ANKFN1: variants seen among roughly 807,000 people sequenced by gnomAD.
ANKFN1 encodes ankyrin repeat and fibronectin type-III domain-containing protein 1.
In ANKFN1, 74 loss-of-function variants were observed where a neutral mutation model predicts 108.7. The observed-to-expected ratio is 0.68, with a 90% CI of 0.56 to 0.83. The LOEUF is 0.83. ANKFN1 is among the 40% of genes least tolerant of loss of function. The pLI is 0.00. For synonymous variants in ANKFN1, 547 were observed against 516.2 expected (o/e 1.06, Z -0.81); for missense variants, 1,505 against 1,382.3 (o/e 1.09, Z -1.41).
chr17:56,171,464 A>T (rs1910692121), intron 1 of ANKFN1, among the ~76,000 whole-genome samples: 3 of 152,180 alleles, frequency 2.0e-5, no homozygotes, highest in Admixed American at 2.0e-4. Context: ...TTAAAACAGC[A>T]GTGTGATGAG....
chr17:56,117,269 T>C (rs1906339226), intron 4 of ANKFN1, among the ~76,000 whole-genome samples: 1 of 152,192 alleles, frequency 6.6e-6, no homozygotes, highest in East Asian at 1.9e-4. Context: ...TGAATACATG[T>C]AGTGACAAGG....
intron 3 of ANKFN1, among the ~76,000 whole-genome samples, chr17:56,298,405 A>G (rs2144352154): frequency 6.6e-6 from 1 of 152,344 alleles, no homozygotes; most frequent in East Asian, 1.9e-4. Context: ...TTTCTGCTAC[A>G]CATGTGTCAT....
intron 4 of ANKFN1, among the ~76,000 whole-genome samples, chr17:56,118,153 T>C (rs1906387811): frequency 2.0e-5 from 3 of 152,168 alleles, no homozygotes. Context: ...TTGTATTTTT[T>C]CTACTTCTCA....
intron 1 of ANKFN1, among the ~76,000 whole-genome samples, chr17:56,176,092 C>A (rs1181935689): frequency 6.6e-6 from 1 of 151,848 alleles, no homozygotes; most frequent in African/African-American, 2.4e-5. Context: ...TTCTTATCAC[C>A]CTGCTGTGAG....
chr17:56,510,726 T>C lies in ANKFN1; in HGVS notation c.2898T>C (p.Cys966=). 1 of 1,536,142 alleles carries C rather than the reference T, an allele frequency of 6.5e-7. No individual in the cohort carries two copies. Among genetic ancestry groups the C allele is most frequent in the Non-Finnish European group, 8.7e-7 (1 of 1,146,914 alleles). Residue 966 remains cysteine (C), a synonymous_variant, in exon 21 of 21, where the codon TGT becomes TGC. Coordinates refer to ENST00000682825, the MANE Select transcript of ANKFN1 (RefSeq NM_001370326.1). ...QGEGPNPDHS[C]AEFLHSLTLT... ...AGGGCCCAAATCCCGATCACTCATG[T>C]GCCGAGTTTCTCCATAGCCTGACCC...
intron 11 of ANKFN1, among the ~76,000 whole-genome samples, chr17:56,453,422 T>A (rs2049563875): frequency 6.6e-6 from 1 of 152,186 alleles, no homozygotes; most frequent in African/African-American, 2.4e-5. Flanking sequence ...TAATAATTAA[T>A]CCCCAAACTA....
In ANKFN1 at chr17:56,498,903, G is replaced by A; in HGVS notation, c.2449G>A (p.Glu817Lys). The change falls in exon 20 of 21, where the codon GAA becomes AAA. Residue 817 changes from glutamate to lysine, a missense_variant. Glu to Lys is a moderately conservative substitution (Grantham distance 56). Coordinates refer to ENST00000682825, the MANE Select transcript of ANKFN1 (RefSeq NM_001370326.1). ...FIQQIDEVWR[E>K]MRWIMDALQY... ...AAAGCAAATAGATGAAGTCTGGCGTGAAATGAGATGGATCATGGATGCTCT... is the reference window on the plus strand; with the variant it reads ...AAAGCAAATAGATGAAGTCTGGCGTAAAATGAGATGGATCATGGATGCTCT... 1 of 1,535,576 alleles carries A rather than the reference G, an allele frequency of 6.5e-7. No homozygotes were observed. Among genetic ancestry groups the A allele is most frequent in the African/African-American group, 1.4e-5 (1 of 73,116 alleles).
intron 4 of ANKFN1, among the ~76,000 whole-genome samples, chr17:56,115,228 T>C (rs1270623019): frequency 6.6e-6 from 1 of 152,198 alleles, no homozygotes; most frequent in Admixed American, 6.5e-5. Context: ...TGATTTGTAT[T>C]TGAGGGGCCA....
intron 8 of ANKFN1, among the ~76,000 whole-genome samples, chr17:56,436,509 T>C (rs1247872618): frequency 1.3e-5 from 2 of 152,176 alleles, no homozygotes. Context: ...AAAGAGAACA[T>C]TCTGAGTTAA....
chr17:56,054,446 C>T (rs145513501), intron 4 of ANKFN1, among the ~76,000 whole-genome samples: 8 of 152,200 alleles, frequency 5.3e-5, no homozygotes, highest in Admixed American at 1.3e-4. Context: ...AGAGACATTG[C>T]GGGTTTGGTT....
At chr17:56,501,329 T>C (rs371117325) in intron 20 of ANKFN1, among the ~76,000 whole-genome samples, 1 of 152,210 alleles carries the variant, frequency 6.6e-6, no homozygotes, top group African/African-American at 2.4e-5. Flanking sequence ...AGGATTGATA[T>C]AATCTGATCT....
intron 6 of ANKFN1, among the ~76,000 whole-genome samples, chr17:56,364,568 G>A (rs2046611652): frequency 6.6e-6 from 1 of 152,182 alleles, no homozygotes; most frequent in South Asian, 2.1e-4. Context: ...GATGCCATGG[G>A]GCAATTTCCT....
intron 3 of ANKFN1, among the ~76,000 whole-genome samples, chr17:56,296,678 C>T (rs756450582): frequency 4.6e-5 from 7 of 152,006 alleles, no homozygotes; most frequent in Admixed American, 2.6e-4. Context: ...AGTAAGACTC[C>T]GTCTCAAAAA....
chr17:56,448,038 G>A (rs142451172), intron 10 of ANKFN1, among the ~76,000 whole-genome samples: 5 of 152,212 alleles, frequency 3.3e-5, no homozygotes, highest in South Asian at 4.1e-4. Flanking sequence ...AAGAGACCCC[G>A]TATTTTAAAA....
intron 18 of ANKFN1, among the ~76,000 whole-genome samples, chr17:56,490,429 C>T (rs2145412215): frequency 6.6e-6 from 1 of 152,172 alleles, no homozygotes; most frequent in Middle Eastern, 3.4e-3. Context: ...TAAAAGGACT[C>T]ATAATAAGTT....
chr17:56,331,136 A>G (rs2045651586), intron 4 of ANKFN1, among the ~76,000 whole-genome samples: 1 of 152,170 alleles, frequency 6.6e-6, no homozygotes, highest in Non-Finnish European at 1.5e-5. Context: ...TAGAAAAGCA[A>G]TCTTTTGCTT....
intron 14 of ANKFN1, among the ~76,000 whole-genome samples, chr17:56,460,077 A>G (rs1172112419): frequency 2.6e-5 from 4 of 152,044 alleles, no homozygotes; most frequent in Non-Finnish European, 1.5e-5. Flanking sequence ...AATCACAAAA[A>G]AGGGCTGACT....
At chr17:56,106,245 A>G (rs1197081296) in intron 4 of ANKFN1, among the ~76,000 whole-genome samples, 2 of 152,166 alleles carry the variant, frequency 1.3e-5, no homozygotes, top group African/African-American at 2.4e-5. Context: ...CTGGGTTCCA[A>G]TAACCTCTGC....
intron 4 of ANKFN1, among the ~76,000 whole-genome samples, chr17:56,048,384 ACT>A (rs1233972057): frequency 6.6e-6 from 1 of 152,032 alleles, no homozygotes; most frequent in Non-Finnish European, 1.5e-5. Flanking sequence ...CTGTTACCAG[ACT>A]CTTCTCTGAA....
Sources: allele counts gnomAD v4.1 joint callset (sites outside exome capture counted in the v4.1 genomes callset), GRCh38; gene constraint gnomAD v4.1.1; transcripts MANE v1.5; gene names NCBI Gene and HGNC (gene_info 2026-07-23, HGNC 2026-07-21).